The following GYPE variants were observed in gnomAD, a reference collection of about 807,000 sequenced individuals.
The protein encoded by GYPE is glycophorin E (MNS blood group).
GYPE carries 8 observed loss-of-function variants against 11.6 expected under a neutral mutation model. The ratio of observed to expected loss-of-function variants is 0.69; its 90% CI spans 0.41 to 1.25. The LOEUF is 1.25. Among genes scored for constraint, GYPE ranks in the 50% most tolerant of loss-of-function variants. The pLI is 0.01. For synonymous variants in GYPE, 28 were observed against 29.6 expected, an observed-to-expected ratio of 0.94 and a Z score of 0.18; for missense variants, 90 against 92.8, an observed-to-expected ratio of 0.97 and a Z score of 0.12.
intron 1 of GYPE, among the ~76,000 whole-genome samples, chr4:143,894,208 C>T (rs986214835): frequency 3.3e-5 from 5 of 151,174 alleles, no homozygotes; most frequent in East Asian, 2.0e-4. Context: ...GTTATACATT[C>T]GTCTAAACTT....
At chr4:143,897,210 C>A (rs531105203) in intron 1 of GYPE, among the ~76,000 whole-genome samples, 5 of 151,916 alleles carry the variant, frequency 3.3e-5, no homozygotes, top group Non-Finnish European at 7.4e-5. Context: ...GTGCCTGTAA[C>A]CCCAGTGCTT....
intron 1 of GYPE, among the ~76,000 whole-genome samples, chr4:143,892,231 T>C (rs1195096965): frequency 6.6e-6 from 1 of 152,198 alleles, no homozygotes; most frequent in Admixed American, 6.5e-5. Flanking sequence ...TAGCGGTCTA[T>C]CAATTTTGTT....
At chr4:143,905,425 T>A in intron 1 of GYPE, 46 bp downstream of exon 1, 1 of 1,611,990 alleles carries the variant, frequency 6.2e-7, no homozygotes, top group Non-Finnish European at 8.5e-7. Context: ...TATTCTATGA[T>A]CTCATACCCA....
At chr4:143,890,702 C>T (rs1744371032) in intron 1 of GYPE, among the ~76,000 whole-genome samples, 2 of 152,166 alleles carry the variant, frequency 1.3e-5, no homozygotes, top group Admixed American at 1.3e-4. Context: ...TCTAGTGTCA[C>T]CTTTATCTAT....
At chr4:143,875,538 T>A in intron 3 of GYPE, 1 of 1,550,828 alleles carries the variant, frequency 6.4e-7, no homozygotes, top group Non-Finnish European at 8.7e-7. Flanking sequence ...AGTTTCCACT[T>A]CAGCCTCTGC....
At position 143,871,313 on chromosome 4, in the gene GYPE, A is replaced by G. The variant is rs891342721; in HGVS notation, c.*949T>C. The G allele has an allele frequency of 3.3e-5, 5 of 152,116 alleles. No individual in the cohort carries two copies. The highest frequency in any genetic ancestry group is 3.3e-4 in the Admixed American group (5 of 15,258). The allele number at this position is 152,116 out of a possible 1,614,324, so 9.4% of individuals were successfully genotyped here. A position where few individuals can be genotyped will look rare whatever the true frequency, so the allele number is the denominator to read the frequency against. ...TGGTGTTTTTATGGTTACGGGTGGCATATAATATACAGGTAAGCCAATGTT... is the reference window on the plus strand; with the variant it reads ...TGGTGTTTTTATGGTTACGGGTGGCGTATAATATACAGGTAAGCCAATGTT... On this transcript the variant is annotated 3_prime_UTR_variant, in exon 4 of 4. Transcript: ENST00000358615.
intron 1 of GYPE, among the ~76,000 whole-genome samples, chr4:143,895,055 A>G (rs943429722): frequency 6.6e-6 from 1 of 152,184 alleles, no homozygotes; most frequent in African/African-American, 2.4e-5. Flanking sequence ...TATCATACTG[A>G]ATGGGCAAAA....
chr4:143,884,111 G>A (rs1183033100), intron 1 of GYPE, among the ~76,000 whole-genome samples: 2 of 150,530 alleles, frequency 1.3e-5, no homozygotes, highest in Non-Finnish European at 3.0e-5. Flanking sequence ...TCCCTCTTGG[G>A]GCTCCAGCCA....
intron 1 of GYPE, among the ~76,000 whole-genome samples, chr4:143,901,907 T>C (rs1744881354): frequency 1.3e-5 from 2 of 152,034 alleles, no homozygotes; most frequent in South Asian, 4.2e-4. Context: ...GAGTTCACAG[T>C]GGGTGTCTGT....
intron 3 of GYPE, chr4:143,873,417 G>T (rs1317052117): frequency 4.4e-6 from 2 of 454,684 alleles, no homozygotes; most frequent in Non-Finnish European, 8.8e-6. Flanking sequence ...GAATAATAAA[G>T]GTCTAAAATT....
At chr4:143,893,456 G>T (rs890059481) in intron 1 of GYPE, among the ~76,000 whole-genome samples, 148 of 151,570 alleles carry the variant, frequency 9.8e-4, no homozygotes, top group East Asian at 3.7e-3. Context: ...TACCGGATGT[G>T]CCTTTCCATG....
chr4:143,883,442 A>T (rs1744118107), intron 1 of GYPE, among the ~76,000 whole-genome samples: 1 of 150,116 alleles, frequency 6.7e-6, no homozygotes, highest in South Asian at 2.1e-4. Context: ...TTGCATCTGA[A>T]TGGGAACATA....
In GYPE at chr4:143,876,822, C is replaced by G; in HGVS notation, c.170G>C (p.Arg57Pro). ...ITLINWWAMA[R>P]VIFEVMLVVV... ...AACAAGCATCACCTCAAAAATAACA[C>G]GAGCCATCGCCCACCAATTAATGAG... is the stretch of plus-strand genomic sequence containing the variant. The change falls in exon 3 of 4, where the codon CGT becomes CCT. Residue 57 changes from arginine (R) to proline (P), a missense_variant. Physicochemically the swap from Arg to Pro is moderately radical, Grantham distance 103. Coordinates refer to ENST00000358615, the MANE Select transcript of GYPE (RefSeq NM_198682.3). 3.7e-6 allele frequency: 6 copies of G among 1,610,930 alleles called. No individual in the cohort carries two copies. In the South Asian group the frequency reaches 5.5e-5, roughly 15 times the overall value.
At chr4:143,903,633 T>A (rs191731591) in intron 1 of GYPE, among the ~76,000 whole-genome samples, 2,619 of 151,970 alleles carry the variant, frequency 0.017, 93 homozygotes, top group African/African-American at 0.06. Flanking sequence ...GTTATACTAT[T>A]AAGTAGCCAC....
chr4:143,892,833 G>A lies in GYPE; in HGVS notation c.38-12324C>T, dbSNP rs1744464903. On this transcript the variant is annotated intron_variant, in intron 1 of 3. Coordinates refer to ENST00000358615, the MANE Select transcript of GYPE (RefSeq NM_198682.3). ...TGTAGATGTCTATTAGGTCCACTTG[G>A]TGCAGAGCTGAGTTCAATTCCTGGG... Among the ~76,000 whole-genome samples the A allele has an allele frequency of 2.0e-5, 3 of 149,154 alleles. No individual in the cohort carries two copies. The South Asian group carries it at 6.5e-4, about 32-fold the overall frequency.
intron 1 of GYPE, 125 bp from the exon 2 acceptor site, chr4:143,880,634 T>A (rs1743989866): frequency 1.5e-6 from 2 of 1,369,076 alleles, no homozygotes; most frequent in Non-Finnish European, 2.1e-6. Context: ...TTGGTATATA[T>A]CTTACATAAT....
intron 1 of GYPE, among the ~76,000 whole-genome samples, chr4:143,890,011 T>C (rs557134817): frequency 2.0e-5 from 3 of 152,306 alleles, no homozygotes; most frequent in South Asian, 4.1e-4. Context: ...TCAAGTAAGT[T>C]GTCATTGAGA....
chr4:143,891,845 G>A (rs1203542407), intron 1 of GYPE, among the ~76,000 whole-genome samples: 1 of 152,026 alleles, frequency 6.6e-6, no homozygotes, highest in African/African-American at 2.4e-5. Context: ...CTAGTAATGG[G>A]CTATGAAATC....
In GYPE at chr4:143,903,857, TG is replaced by T. The variant is rs562755680; in HGVS notation, c.37+1613del. On this transcript the variant is annotated intron_variant, in intron 1 of 3. Transcript: ENST00000358615. Reference sequence around the variant, plus strand: ...GAACCCTTTCCAAATTTGGGGCACTTGTAAGTCACACAGAGTTTTCCCAAAT... The same window carrying T: ...GAACCCTTTCCAAATTTGGGGCACTTTAAGTCACACAGAGTTTTCCCAAAT... Among the ~76,000 whole-genome samples, 458 of 152,172 alleles carry T rather than the reference TG, an allele frequency of 3.0e-3. 4 individuals are homozygous for T. Among genetic ancestry groups the T allele is most frequent in the African/African-American group, 0.011 (445 of 41,526 alleles).
Sources: allele counts gnomAD v4.1 joint callset (sites outside exome capture counted in the v4.1 genomes callset), GRCh38; gene constraint gnomAD v4.1.1; transcripts MANE v1.5; gene names NCBI Gene and HGNC (gene_info 2026-07-23, HGNC 2026-07-21).